PSD3: variants seen among roughly 807,000 people sequenced by gnomAD.
PSD3 encodes the protein PH and SEC7 domain-containing protein 3.
PSD3 carries 49 observed loss-of-function variants against 105.5 expected under a neutral mutation model. The ratio of observed to expected loss-of-function variants is 0.46; its 90% CI spans 0.37 to 0.59. PSD3 has a LOEUF of 0.59. Ranked by LOEUF, PSD3 falls within the 20% of genes least tolerant of loss-of-function variation. PSD3 has a pLI of 0.00. For missense variants in PSD3, 1,561 were observed against 1,263.8 expected, an observed-to-expected ratio of 1.24 and a Z score of -3.57; for synonymous variants, 557 against 457.8, an observed-to-expected ratio of 1.22 and a Z score of -2.77.
intron 12 of PSD3, among the ~76,000 whole-genome samples, chr8:18,586,953 C>A (rs77574334): frequency 1.2e-4 from 18 of 152,280 alleles, no homozygotes; most frequent in African/African-American, 4.1e-4. Flanking sequence ...ATCCTGGGAT[C>A]TTTGCATCCC....
intron 9 of PSD3, among the ~76,000 whole-genome samples, chr8:18,745,614 T>A (rs1008468419): frequency 6.6e-6 from 1 of 152,184 alleles, no homozygotes; most frequent in Non-Finnish European, 1.5e-5. Flanking sequence ...ATTAATTCAT[T>A]TTACTGGTGA....
rs1284620233 is a variant in PSD3 at position 18,789,845 on chromosome 8, A to C, written c.2082+9450T>G. The stretch of plus-strand genomic sequence containing the variant: ...AATTTGCAGAAAGTAAGAAAGAGCG[A>C]AACTGACTTAGAATTTGACCTGCTT... On this transcript the variant is annotated intron_variant, in intron 8 of 15. Coordinates refer to ENST00000327040, the MANE Select transcript of PSD3 (RefSeq NM_015310.4). Among the ~76,000 whole-genome samples the C allele has an allele frequency of 2.6e-5, 4 of 152,328 alleles. No homozygotes were observed. The South Asian group carries it at 8.3e-4, about 32-fold the overall frequency.
At chr8:18,620,126 G>C (rs916612735) in intron 11 of PSD3, among the ~76,000 whole-genome samples, 5 of 152,170 alleles carry the variant, frequency 3.3e-5, no homozygotes, top group Non-Finnish European at 5.9e-5. Context: ...TCAGACAACA[G>C]CTTAACTCTC....
At chr8:18,905,397 C>G (rs1028291490) in intron 2 of PSD3, among the ~76,000 whole-genome samples, 1 of 152,188 alleles carries the variant, frequency 6.6e-6, no homozygotes, top group African/African-American at 2.4e-5. Context: ...GATCTCAGCT[C>G]ACTGTAACCT....
intron 15 of PSD3, among the ~76,000 whole-genome samples, chr8:18,545,555 A>C (rs889432531): frequency 1.3e-5 from 2 of 152,254 alleles, no homozygotes; most frequent in African/African-American, 2.4e-5. Context: ...ATCTGGGCTA[A>C]AGAGGTACTG....
chr8:18,952,495 G>A (rs996075631), intron 1 of PSD3, among the ~76,000 whole-genome samples: 8 of 152,188 alleles, frequency 5.3e-5, no homozygotes, highest in African/African-American at 9.6e-5. Flanking sequence ...CTGGTTCAAC[G>A]CGGTTAACAG....
At chr8:18,925,194 C>T (rs765719079) in intron 2 of PSD3, among the ~76,000 whole-genome samples, 87 of 152,106 alleles carry the variant, frequency 5.7e-4, no homozygotes, top group Non-Finnish European at 1.0e-3. Flanking sequence ...TGAGACCTGC[C>T]GGGGCAGCAC....
At chr8:18,771,576 C>A (rs752716272) in intron 8 of PSD3, among the ~76,000 whole-genome samples, 1 of 152,140 alleles carries the variant, frequency 6.6e-6, no homozygotes, top group African/African-American at 2.4e-5. Context: ...TCAGTTGTTA[C>A]GACATCATTT....
chr8:18,979,638 C>T (rs1013050685), intron 1 of PSD3: 4 of 155,038 alleles, frequency 2.6e-5, no homozygotes, highest in African/African-American at 9.7e-5. Flanking sequence ...TGTTAGAGCT[C>T]GGAGTTGAGG....
chr8:18,801,513 C>T (rs1293885286), intron 6 of PSD3, 131 bp from the exon 7 acceptor site: 2 of 555,580 alleles, frequency 3.6e-6, no homozygotes, highest in Non-Finnish European at 6.3e-6. Flanking sequence ...AGTTATCTCC[C>T]CCCAAAAAAA....
chr8:18,734,205 T>A (rs1030436782), intron 9 of PSD3: 1 of 152,228 alleles, frequency 6.6e-6, no homozygotes, highest in South Asian at 2.1e-4. Context: ...TGCCTCTATG[T>A]ATAGCCTTTG....
intron 15 of PSD3, among the ~76,000 whole-genome samples, chr8:18,548,492 T>C (rs187726546): frequency 6.6e-6 from 1 of 152,336 alleles, no homozygotes; most frequent in Admixed American, 6.5e-5. Flanking sequence ...GCTAGGGATT[T>C]TGAGGCTCTC....
chr8:19,008,484 T>A (rs972993581), intron 1 of PSD3, among the ~76,000 whole-genome samples: 1 of 152,190 alleles, frequency 6.6e-6, no homozygotes, highest in Admixed American at 6.5e-5. Context: ...ATCACTCTTA[T>A]ACCTAAATTT....
At chr8:18,749,402 T>G (rs955031275) in intron 9 of PSD3, among the ~76,000 whole-genome samples, 1 of 152,216 alleles carries the variant, frequency 6.6e-6, no homozygotes, top group Non-Finnish European at 1.5e-5. Context: ...TCATTTCTCT[T>G]TATTCTGAAA....
intron 2 of PSD3, among the ~76,000 whole-genome samples, chr8:18,923,148 G>C (rs1821143305): frequency 6.6e-6 from 1 of 152,008 alleles, no homozygotes; most frequent in African/African-American, 2.4e-5. Flanking sequence ...AACTGTCTTG[G>C]GCCACAGATA....
intron 9 of PSD3, among the ~76,000 whole-genome samples, chr8:18,744,609 T>A (rs2129435653): frequency 6.6e-6 from 1 of 152,344 alleles, no homozygotes; most frequent in African/African-American, 2.4e-5. Context: ...TCTGAAATAA[T>A]TTTAGACTTA....
chr8:18,960,755 A>G (rs1401075703), intron 1 of PSD3, among the ~76,000 whole-genome samples: 1 of 152,132 alleles, frequency 6.6e-6, no homozygotes, highest in Non-Finnish European at 1.5e-5. Flanking sequence ...ACAGCAATTT[A>G]TTTATTTATT....
chr8:18,927,047 T>C (rs1192168390), intron 2 of PSD3, among the ~76,000 whole-genome samples: 2 of 152,088 alleles, frequency 1.3e-5, no homozygotes, highest in Non-Finnish European at 2.9e-5. Context: ...TTTACTTACA[T>C]TTACTGGCTT....
chr8:18,659,433 C>T (rs777316460), intron 9 of PSD3, among the ~76,000 whole-genome samples: 11 of 152,162 alleles, frequency 7.2e-5, no homozygotes, highest in African/African-American at 1.9e-4. Flanking sequence ...TTTCCTTATA[C>T]GGATGAGGAA....
Sources: gnomAD v4.1 joint callset for allele counts (sites outside exome capture counted in the v4.1 genomes callset) on GRCh38, gnomAD v4.1.1 for gene constraint, MANE v1.5 for transcripts, NCBI Gene and HGNC (gene_info 2026-07-23, HGNC 2026-07-21) for gene names.